The following THSD4 variants were observed in gnomAD, a reference collection of about 807,000 sequenced individuals.
THSD4 encodes thrombospondin type-1 domain-containing protein 4.
THSD4 carries 69 observed loss-of-function variants against 119.0 expected under a neutral mutation model. The observed-to-expected ratio is 0.58, with a 90% CI of 0.48 to 0.71. THSD4 has a LOEUF of 0.71. Among genes scored for constraint, THSD4 ranks in the 30% least tolerant of loss-of-function variants. THSD4 has a pLI of 0.00. For missense variants in THSD4, 1,393 were observed against 1,391.1 expected (o/e 1.00, Z -0.02); for synonymous variants, 524 against 540.4 (o/e 0.97, Z 0.42).
intron 7 of THSD4, among the ~76,000 whole-genome samples, chr15:71,495,038 T>C (rs1469814064): frequency 6.6e-6 from 1 of 152,026 alleles, no homozygotes; most frequent in Admixed American, 6.5e-5. Flanking sequence ...CAGTGACGGG[T>C]GAGAGGAGGG....
chr15:71,702,184 C>T (rs947322474), intron 8 of THSD4, among the ~76,000 whole-genome samples: 1 of 152,158 alleles, frequency 6.6e-6, no homozygotes. Flanking sequence ...CAGGCCTCGT[C>T]CAGGGGCCCC....
intron 17 of THSD4, 80 bp downstream of exon 17, chr15:71,771,288 C>T (rs2053819186): frequency 6.4e-7 from 1 of 1,551,922 alleles, no homozygotes. Context: ...AATAACAAGC[C>T]TCTTCTAGGT....
At chr15:71,663,295 A>G (rs2051350504) in intron 8 of THSD4, among the ~76,000 whole-genome samples, 1 of 152,136 alleles carries the variant, frequency 6.6e-6, no homozygotes, top group Admixed American at 6.5e-5. Flanking sequence ...AGGTGATTCA[A>G]AAAGTCAAGT....
intron 8 of THSD4, among the ~76,000 whole-genome samples, chr15:71,670,898 G>A (rs1377271628): frequency 3.9e-5 from 6 of 152,292 alleles, no homozygotes; most frequent in Non-Finnish European, 8.8e-5. Flanking sequence ...GTCTATCAGT[G>A]ATGGACATTT....
intron 6 of THSD4, among the ~76,000 whole-genome samples, chr15:71,375,090 A>G (rs1210420655): frequency 6.6e-6 from 1 of 152,206 alleles, no homozygotes; most frequent in Non-Finnish European, 1.5e-5. Context: ...CTAAATGTAG[A>G]ACAATTCCAG....
At chr15:71,284,209 T>A (rs1215336078) in intron 6 of THSD4, among the ~76,000 whole-genome samples, 1 of 152,218 alleles carries the variant, frequency 6.6e-6, no homozygotes, top group Non-Finnish European at 1.5e-5. Context: ...CCTGTTTGTC[T>A]TAATAGAAAA....
intron 7 of THSD4, among the ~76,000 whole-genome samples, chr15:71,636,115 C>T (rs984646700): frequency 1.3e-5 from 2 of 152,130 alleles, no homozygotes; most frequent in Non-Finnish European, 2.9e-5. Context: ...ACCTTCTCCT[C>T]AACTGAAGTA....
chr15:71,670,724 CT>C (rs762810386), intron 8 of THSD4, among the ~76,000 whole-genome samples: 11 of 151,686 alleles, frequency 7.3e-5, no homozygotes, highest in African/African-American at 9.7e-5. Flanking sequence ...CATTTCCCCC[CT>C]ATGAGTGAGA....
At chr15:71,308,725 C>G (rs934028720) in intron 6 of THSD4, among the ~76,000 whole-genome samples, 4 of 152,168 alleles carry the variant, frequency 2.6e-5, no homozygotes, top group African/African-American at 4.8e-5. Flanking sequence ...TATTCACGTG[C>G]AAGTTATCGT....
chr15:71,322,165 A>G (rs2045277842), intron 6 of THSD4, among the ~76,000 whole-genome samples: 1 of 152,220 alleles, frequency 6.6e-6, no homozygotes, highest in African/African-American at 2.4e-5. Context: ...GTGACTTTTT[A>G]GGAACTTTGA....
intron 6 of THSD4, among the ~76,000 whole-genome samples, chr15:71,387,635 C>T (rs1213974828): frequency 6.6e-6 from 1 of 152,154 alleles, no homozygotes; most frequent in Non-Finnish European, 1.5e-5. Context: ...CTGTACCAGT[C>T]ATATGAAGAT....
intron 10 of THSD4, among the ~76,000 whole-genome samples, chr15:71,735,684 TTC>T: frequency 7.2e-6 from 1 of 139,502 alleles, no homozygotes; most frequent in East Asian, 2.3e-4. Context: ...CTCTCTCACT[TTC>T]TGTCTCTGTC....
chr15:71,295,093 TAAGATA>T (rs375654458), intron 6 of THSD4, among the ~76,000 whole-genome samples: 7 of 152,212 alleles, frequency 4.6e-5, no homozygotes, highest in African/African-American at 1.4e-4. Flanking sequence ...GTTGTAGCCT[TAAGATA>T]AACAGATTGG....
At chr15:71,534,383 G>A (rs533439232) in intron 7 of THSD4, among the ~76,000 whole-genome samples, 1 of 152,164 alleles carries the variant, frequency 6.6e-6, no homozygotes, top group Admixed American at 6.5e-5. Flanking sequence ...ACGTAGCAAC[G>A]TGTTATTTGA....
chr15:71,214,366 CTGTT>C (rs1202500098), intron 3 of THSD4, among the ~76,000 whole-genome samples: 2 of 152,244 alleles, frequency 1.3e-5, no homozygotes, highest in Non-Finnish European at 2.9e-5. Context: ...CTGTTGCTCA[CTGTT>C]TGAGTCAGTG....
At chr15:71,761,677 C>A (rs2053629968) in intron 15 of THSD4, among the ~76,000 whole-genome samples, 1 of 152,158 alleles carries the variant, frequency 6.6e-6, no homozygotes, top group Non-Finnish European at 1.5e-5. Flanking sequence ...TTATTGGTGT[C>A]TTTGCCAGCT....
intron 3 of THSD4, 84 bp downstream of exon 3, chr15:71,155,016 T>C: frequency 7.7e-7 from 1 of 1,306,504 alleles, no homozygotes; most frequent in Middle Eastern, 1.8e-4. Context: ...TTGTTCTGTT[T>C]GAAGGTGAGT....
intron 6 of THSD4, among the ~76,000 whole-genome samples, chr15:71,362,697 G>A (rs1045101364): frequency 4.6e-5 from 7 of 152,060 alleles, no homozygotes; most frequent in African/African-American, 7.2e-5. Context: ...GCATGGTCCC[G>A]GTGCTATGCT....
At chr15:71,612,394 A>G (rs2050247340) in intron 7 of THSD4, among the ~76,000 whole-genome samples, 1 of 152,228 alleles carries the variant, frequency 6.6e-6, no homozygotes, top group African/African-American at 2.4e-5. Context: ...CTGAAAATAA[A>G]TATTTCATAG....
Sources: gnomAD v4.1 joint callset for allele counts (sites outside exome capture counted in the v4.1 genomes callset) on GRCh38, gnomAD v4.1.1 for gene constraint, MANE v1.5 for transcripts, NCBI Gene and HGNC (gene_info 2026-07-23, HGNC 2026-07-21) for gene names.